Variants in NPLOC4 observed in about 807,000 individuals in gnomAD.
NPLOC4 encodes the protein NPL4 homolog, ubiquitin recognition factor.
Under a neutral mutation model 80.6 loss-of-function variants are expected in NPLOC4, and 18 were observed. The observed-to-expected ratio is 0.22, with a 90% CI of 0.15 to 0.33. NPLOC4 has a LOEUF of 0.33. NPLOC4 is among the 10% of genes least tolerant of loss of function. The pLI is 1.00. For synonymous variants in NPLOC4, 313 were observed against 301.5 expected (o/e 1.04, Z -0.39); for missense variants, 540 against 786.1 (o/e 0.69, Z 3.74).
At chr17:81,564,788 CAA>C (rs796741069) in intron 16 of NPLOC4, 45 of 100,642 alleles carry the variant, frequency 4.5e-4, no homozygotes, top group South Asian at 6.4e-4. Context: ...AACTCCGTCT[CAA>C]AAAAAAAAAA....
At chr17:81,604,049 G>A (rs1393187831) in intron 8 of NPLOC4, among the ~76,000 whole-genome samples, 2 of 152,084 alleles carry the variant, frequency 1.3e-5, no homozygotes, top group South Asian at 2.1e-4. Flanking sequence ...CACACCCTGC[G>A]GGATATACCC....
chr17:81,592,857 G>A (rs1428793491), intron 11 of NPLOC4, among the ~76,000 whole-genome samples: 4 of 152,156 alleles, frequency 2.6e-5, no homozygotes, highest in African/African-American at 7.2e-5. Flanking sequence ...GTTGGCATGC[G>A]CCTGTAATCC....
intron 12 of NPLOC4, among the ~76,000 whole-genome samples, chr17:81,578,737 T>C (rs1202582701): frequency 6.6e-6 from 1 of 152,130 alleles, no homozygotes; most frequent in Admixed American, 6.5e-5. Context: ...CCCCCATGAT[T>C]CAATTATCTC....
At chr17:81,602,184 G>A (rs917148434) in intron 8 of NPLOC4, among the ~76,000 whole-genome samples, 1 of 152,120 alleles carries the variant, frequency 6.6e-6, no homozygotes. Context: ...GGAGAAAGAG[G>A]TAAGAGGATC....
At chr17:81,611,330 AT>A (rs1332272707) in intron 4 of NPLOC4, among the ~76,000 whole-genome samples, 2 of 151,806 alleles carry the variant, frequency 1.3e-5, no homozygotes, top group Admixed American at 6.6e-5. Flanking sequence ...AAATAAATAA[AT>A]AAATAAAATA....
chr17:81,634,776 G>A (rs1184188827), intron 1 of NPLOC4, among the ~76,000 whole-genome samples: 2 of 151,662 alleles, frequency 1.3e-5, no homozygotes, highest in Non-Finnish European at 2.9e-5. Context: ...GTAGAGACAG[G>A]GTTTCACCAT....
In NPLOC4 at chr17:81,591,463, A is replaced by C. The variant is rs950309713; in HGVS notation, c.1121-2359T>G. On this transcript the variant is annotated intron_variant, in intron 11 of 16. Transcript: ENST00000331134. ...AGTAAAACAGAAAAAAAAAAAAAAA[A>C]AAAAAAAAACCTGCTCTGGTGTTTA... Among the ~76,000 whole-genome samples, 6 of 150,872 alleles carry C rather than the reference A, an allele frequency of 4.0e-5. No individual in the cohort carries two copies. In the East Asian group the frequency reaches 5.8e-4, roughly 15 times the overall value.
intron 3 of NPLOC4, among the ~76,000 whole-genome samples, chr17:81,619,239 T>C (rs2035596420): frequency 6.7e-6 from 1 of 148,626 alleles, no homozygotes; most frequent in Non-Finnish European, 1.5e-5. Context: ...TAGCCGGGCA[T>C]GTTGGCGGGC....
chr17:81,629,574 A>G, intron 2 of NPLOC4, 151 bp downstream of exon 2: 1 of 629,332 alleles, frequency 1.6e-6, no homozygotes, highest in East Asian at 2.8e-5. Context: ...ATCCTATAGC[A>G]ATCCAACCCA....
intron 16 of NPLOC4, chr17:81,562,504 A>G (rs1055966013): frequency 3.3e-5 from 5 of 152,202 alleles, no homozygotes; most frequent in African/African-American, 1.2e-4. Flanking sequence ...ACACTACTGC[A>G]CTCCAGCCTG....
intron 13 of NPLOC4, among the ~76,000 whole-genome samples, chr17:81,569,686 G>T (rs1027450784): frequency 3.2e-4 from 49 of 152,176 alleles, no homozygotes; most frequent in African/African-American, 1.1e-3. Flanking sequence ...GTGAATGTAA[G>T]GCCCTTGAGG....
chr17:81,566,103 G>C (rs1251191533), intron 15 of NPLOC4, among the ~76,000 whole-genome samples: 2 of 152,212 alleles, frequency 1.3e-5, no homozygotes, highest in African/African-American at 4.8e-5. Context: ...AGAGGCAGAG[G>C]CAGACAGATC....
intron 12 of NPLOC4, among the ~76,000 whole-genome samples, chr17:81,582,828 C>A (rs2034479681): frequency 6.6e-6 from 1 of 152,238 alleles, no homozygotes; most frequent in African/African-American, 2.4e-5. Flanking sequence ...CCAAACAAAA[C>A]CCCCACCAGC....
intron 3 of NPLOC4, among the ~76,000 whole-genome samples, chr17:81,621,381 T>C (rs1301042911): frequency 6.6e-6 from 1 of 152,230 alleles, no homozygotes; most frequent in African/African-American, 2.4e-5. Flanking sequence ...CAGCCCATCA[T>C]TCTGGCTGGT....
At chr17:81,627,942 A>T (rs1464959961) in intron 2 of NPLOC4, among the ~76,000 whole-genome samples, 1 of 151,786 alleles carries the variant, frequency 6.6e-6, no homozygotes, top group Non-Finnish European at 1.5e-5. Context: ...TCTCAAAAAA[A>T]GAAATTTGTA....
intron 8 of NPLOC4, among the ~76,000 whole-genome samples, chr17:81,604,258 C>G (rs2035139648): frequency 6.6e-6 from 1 of 152,068 alleles, no homozygotes; most frequent in Non-Finnish European, 1.5e-5. Context: ...CTGGACACTA[C>G]AGAGTCAATG....
rs1445214909 is a variant in NPLOC4 at position 81,606,811 on chromosome 17, C to T, written c.534G>A (p.Gly178=). 10 of 1,603,278 alleles carry T rather than the reference C, an allele frequency of 6.2e-6. No homozygotes were observed. Among genetic ancestry groups the T allele is most frequent in the Admixed American group, 1.7e-5 (1 of 58,616 alleles). Residue 178 remains glycine, a synonymous_variant, in exon 7 of 17, where the codon GGG becomes GGA. Transcript: ENST00000331134. The part of the protein sequence containing the change: ...IRKLTGGADK[G]KFVALENISC... Reference sequence around the variant, plus strand: ...TGATGTTCTCCAGGGCAACAAACTTCCCCCTACATAGAAGAGAAGCAACTT... The same window carrying T: ...TGATGTTCTCCAGGGCAACAAACTTTCCCCTACATAGAAGAGAAGCAACTT...
chr17:81,584,449 AG>A (rs2034522163), intron 12 of NPLOC4, among the ~76,000 whole-genome samples: 1 of 152,234 alleles, frequency 6.6e-6, no homozygotes, highest in Non-Finnish European at 1.5e-5. Flanking sequence ...CAATCTGAAA[AG>A]GGTATTTAAA....
rs2035885333 is a variant in NPLOC4 at position 81,629,816 on chromosome 17, C to T, written c.16-11G>A. 1.1e-5 allele frequency: 18 copies of T among 1,603,258 alleles called. No individual in the cohort carries two copies. Among genetic ancestry groups the T allele is most frequent in the Non-Finnish European group, 1.5e-5 (17 of 1,170,480 alleles). ...CTGGACACGAATTATCTGTTGCAAA[C>T]AAAACATGATGGTTACTGCACAGCC... On this transcript the variant is annotated splice_polypyrimidine_tract_variant and intron_variant, in intron 1 of 16. Coordinates refer to ENST00000331134, the MANE Select transcript of NPLOC4 (RefSeq NM_017921.4).
Sources: allele counts gnomAD v4.1 joint callset (sites outside exome capture counted in the v4.1 genomes callset), GRCh38; gene constraint gnomAD v4.1.1; transcripts MANE v1.5; gene names NCBI Gene and HGNC (gene_info 2026-07-23, HGNC 2026-07-21).